USPL1: variants seen among roughly 807,000 people sequenced by gnomAD.
USPL1 encodes the protein SUMO-specific isopeptidase USPL1.
USPL1 carries 27 observed loss-of-function variants against 51.5 expected under a neutral mutation model. That is an observed-to-expected ratio of 0.52 (90% CI 0.39 to 0.72). USPL1 has a LOEUF of 0.72. Among genes scored for constraint, USPL1 ranks in the 30% least tolerant of loss-of-function variants. USPL1 has a pLI of 0.00. For synonymous variants in USPL1, 451 were observed against 459.6 expected, an observed-to-expected ratio of 0.98 and a Z score of 0.24; for missense variants, 1,226 against 1,268.0, an observed-to-expected ratio of 0.97 and a Z score of 0.50.
intron 1 of USPL1, 73 bp from the exon 2 acceptor site, chr13:30,621,000 T>G (rs573295740): frequency 3.0e-6 from 2 of 666,908 alleles, no homozygotes; most frequent in East Asian, 5.9e-5. Context: ...ATATACGTCT[T>G]ATAAAATAGC....
At chr13:30,646,572 A>G (rs982799732) in intron 6 of USPL1, among the ~76,000 whole-genome samples, 2 of 152,220 alleles carry the variant, frequency 1.3e-5, no homozygotes, top group Non-Finnish European at 2.9e-5. Context: ...ATCTACAGAC[A>G]ACTGGATGCC....
chr13:30,639,714 G>T (rs78982409), intron 5 of USPL1, among the ~76,000 whole-genome samples: 19 of 152,216 alleles, frequency 1.2e-4, no homozygotes, highest in African/African-American at 4.1e-4. Context: ...CCACTGATCT[G>T]TTGAGCGAAT....
chr13:30,650,664 A>G (rs936665752), intron 7 of USPL1, among the ~76,000 whole-genome samples: 2 of 151,716 alleles, frequency 1.3e-5, no homozygotes, highest in Non-Finnish European at 2.9e-5. Context: ...ATGTTAACAA[A>G]TGGGAAAAAA....
intron 5 of USPL1, 145 bp from the exon 6 acceptor site, chr13:30,642,483 C>G: frequency 1.1e-6 from 1 of 916,266 alleles, no homozygotes; most frequent in Admixed American, 2.7e-5. Flanking sequence ...TTCCCCTCTC[C>G]CAACTCTGAG....
intron 6 of USPL1, among the ~76,000 whole-genome samples, chr13:30,643,063 T>C (rs750918839): frequency 3.9e-5 from 6 of 152,154 alleles, no homozygotes; most frequent in Non-Finnish European, 7.4e-5. Context: ...GGGTTTTGCT[T>C]GTTTACTTTA....
chr13:30,619,152 C>CAGTT (rs2137591881), intron 1 of USPL1, among the ~76,000 whole-genome samples: 2 of 152,220 alleles, frequency 1.3e-5, no homozygotes, highest in African/African-American at 4.8e-5. Context: ...GGAGGAAGAG[C>CAGTT]AGTTACTTAG....
intron 5 of USPL1, among the ~76,000 whole-genome samples, chr13:30,638,355 C>A (rs2137660280): frequency 6.6e-6 from 1 of 152,196 alleles, no homozygotes; most frequent in East Asian, 1.9e-4. Flanking sequence ...ACTTCCCTAC[C>A]AGTGATTGGT....
intron 4 of USPL1, among the ~76,000 whole-genome samples, chr13:30,632,039 G>A (rs1373273262): frequency 5.3e-5 from 8 of 151,254 alleles, no homozygotes; most frequent in Non-Finnish European, 1.2e-4. Context: ...ATAGGTATAC[G>A]TGTGCCATGG....
chr13:30,659,961 C>T lies in USPL1; in HGVS notation c.*605C>T, dbSNP rs1951235490. 1 of 152,258 alleles carries T rather than the reference C, an allele frequency of 6.6e-6. No homozygotes were observed. The highest frequency in any genetic ancestry group is 2.4e-5 in the African/African-American group (1 of 41,282). The allele number at this position is 152,258 out of a possible 1,614,324, so 9.4% of individuals were successfully genotyped here. A position where few individuals can be genotyped will look rare whatever the true frequency, so the allele number is the denominator to read the frequency against. The stretch of plus-strand genomic sequence containing the variant: ...GAGGGTGACTCCTCTCAGCTCTCAG[C>T]AGAGAAGCAGCCCTGGAGAAGGTAG... On this transcript the variant is annotated 3_prime_UTR_variant, in exon 9 of 9. Transcript: ENST00000255304.
chr13:30,646,228 T>C (rs1015976514), intron 6 of USPL1, among the ~76,000 whole-genome samples: 1 of 152,232 alleles, frequency 6.6e-6, no homozygotes, highest in Non-Finnish European at 1.5e-5. Context: ...TGAGGTTTAG[T>C]GTACATCTTT....
At chr13:30,645,620 A>G (rs1407798355) in intron 6 of USPL1, among the ~76,000 whole-genome samples, 2 of 152,242 alleles carry the variant, frequency 1.3e-5, no homozygotes, top group Non-Finnish European at 2.9e-5. Context: ...CTTAAAACTT[A>G]TTTCCACTTA....
At chr13:30,649,338 T>C (rs561751076) in intron 7 of USPL1, among the ~76,000 whole-genome samples, 8 of 152,362 alleles carry the variant, frequency 5.3e-5, no homozygotes, top group African/African-American at 1.9e-4. Flanking sequence ...TAATGGAATT[T>C]AGAAATAAAT....
intron 5 of USPL1, 39 bp downstream of exon 5, chr13:30,637,896 T>A: frequency 1.4e-6 from 2 of 1,395,414 alleles, no homozygotes; most frequent in Non-Finnish European, 2.0e-6. Flanking sequence ...TATACTCATC[T>A]ACCATATAGA....
chr13:30,621,521 A>T (rs1352002296), intron 2 of USPL1, among the ~76,000 whole-genome samples: 2 of 152,138 alleles, frequency 1.3e-5, no homozygotes, highest in African/African-American at 4.8e-5. Flanking sequence ...CTTGCAAATA[A>T]AATTGATACT....
At chr13:30,624,373 G>C (rs1474655610) in intron 3 of USPL1, among the ~76,000 whole-genome samples, 1 of 152,204 alleles carries the variant, frequency 6.6e-6, no homozygotes, top group Admixed American at 6.5e-5. Context: ...CCAACACTTT[G>C]GGAGGCTGAG....
At chr13:30,641,515 C>T (rs116573444) in intron 5 of USPL1, among the ~76,000 whole-genome samples, 103 of 152,278 alleles carry the variant, frequency 6.8e-4, no homozygotes, top group African/African-American at 2.4e-3. Flanking sequence ...GTCTCTTGGG[C>T]CAAATCGGTA....
Position 30,642,680 on chromosome 13 carries a change from C to T in USPL1, c.1035C>T (p.Thr345=), listed in dbSNP as rs770668075. The change falls in exon 6 of 9, where the codon ACC becomes ACT. Residue 345 remains threonine (T), a synonymous_variant. Transcript: ENST00000255304. ...TTCCCCTGCTCTTAAAACTAGAAACCCACATTGAAAAGCTCTTCCTATATT... is the reference window on the plus strand; with the variant it reads ...TTCCCCTGCTCTTAAAACTAGAAACTCACATTGAAAAGCTCTTCCTATATT... ...FAFPLLLKLE[T]HIEKLFLYSF... The T allele has an allele frequency of 6.2e-7, 1 of 1,613,810 alleles. No individual in the cohort carries two copies.
At chr13:30,656,947 A>G (rs529965027) in intron 8 of USPL1, among the ~76,000 whole-genome samples, 2 of 151,910 alleles carry the variant, frequency 1.3e-5, no homozygotes, top group Non-Finnish European at 2.9e-5. Context: ...TTGACTACAT[A>G]AGGACCCCTC....
chr13:30,631,792 C>G (rs1950809745), intron 4 of USPL1, among the ~76,000 whole-genome samples: 1 of 152,120 alleles, frequency 6.6e-6, no homozygotes, highest in African/African-American at 2.4e-5. Flanking sequence ...TTCCAGCCTA[C>G]TTGTCTTTAA....
Sources: allele counts gnomAD v4.1 joint callset (sites outside exome capture counted in the v4.1 genomes callset), GRCh38; gene constraint gnomAD v4.1.1; transcripts MANE v1.5; gene names NCBI Gene and HGNC (gene_info 2026-07-23, HGNC 2026-07-21).